The following SPATA17 variants were observed in gnomAD, a reference collection of about 807,000 sequenced individuals.
SPATA17 encodes the protein spermatogenesis-associated protein 17.
SPATA17 carries 53 observed loss-of-function variants against 62.2 expected under a neutral mutation model. The observed-to-expected ratio is 0.85, with a 90% CI of 0.68 to 1.07. SPATA17 has a LOEUF of 1.07. Ranked by LOEUF, SPATA17 falls within the 50% of genes least tolerant of loss-of-function variation. SPATA17 has a pLI of 0.00. For missense variants in SPATA17, 466 were observed against 425.5 expected (o/e 1.10, Z -0.84); for synonymous variants, 146 against 146.8 (o/e 0.99, Z 0.04).
Position 217,683,372 on chromosome 1 carries a change from C to T in SPATA17, c.395+11C>T. The stretch of plus-strand genomic sequence containing the variant: ...CAATGATGCAATTAGGTAAGTAGTG[C>T]AATCATCCATTCACTAGGGAAAACT... On this transcript the variant is annotated intron_variant, in intron 5 of 10. Transcript: ENST00000366933. 6.6e-7 allele frequency: 1 copy of T among 1,510,700 alleles called. No homozygotes were observed. Among genetic ancestry groups the T allele is most frequent in the Non-Finnish European group, 9.2e-7 (1 of 1,089,250 alleles). 93.6% of individuals were successfully genotyped at this position (1,510,700 alleles called of 1,614,324 possible). A position where few individuals can be genotyped will look rare whatever the true frequency, so the allele number is the denominator to read the frequency against.
At chr1:217,854,431 G>A (rs1008953168) in intron 9 of SPATA17, among the ~76,000 whole-genome samples, 8 of 152,150 alleles carry the variant, frequency 5.3e-5, no homozygotes, top group Admixed American at 1.3e-4. Flanking sequence ...GATAAATCTA[G>A]GCATTATCTT....
At chr1:217,866,734 T>TA (rs1192880268) in intron 10 of SPATA17, 2 of 152,072 alleles carry the variant, frequency 1.3e-5, no homozygotes, top group Non-Finnish European at 2.9e-5. Context: ...AGAACAGGGC[T>TA]AAAAATGATT....
intron 9 of SPATA17, among the ~76,000 whole-genome samples, chr1:217,806,029 A>T (rs533705493): frequency 6.6e-6 from 1 of 152,294 alleles, no homozygotes; most frequent in East Asian, 1.9e-4. Flanking sequence ...AACCTGTGAA[A>T]CCAGACAAGT....
intron 9 of SPATA17, among the ~76,000 whole-genome samples, chr1:217,836,511 T>C (rs1014238996): frequency 6.6e-6 from 1 of 152,150 alleles, no homozygotes; most frequent in Admixed American, 6.6e-5. Flanking sequence ...TCATTTACTC[T>C]ATGACGTGCT....
At chr1:217,704,230 CTTTTTTTTTTTTTT>C (rs560591615) in intron 5 of SPATA17, among the ~76,000 whole-genome samples, 20 of 41,718 alleles carry the variant, frequency 4.8e-4, no homozygotes, top group Non-Finnish European at 7.4e-4. Context: ...TTCCCTCTAC[CTTTTTTTTTTTTTT>C]TTTTTTTTTT....
intron 5 of SPATA17, among the ~76,000 whole-genome samples, chr1:217,721,594 C>T (rs986918679): frequency 1.3e-5 from 2 of 152,150 alleles, no homozygotes; most frequent in Non-Finnish European, 2.9e-5. Flanking sequence ...ACCCTGCAGA[C>T]TTTGATTCAA....
At chr1:217,846,932 A>C (rs2103009422) in intron 9 of SPATA17, among the ~76,000 whole-genome samples, 1 of 152,174 alleles carries the variant, frequency 6.6e-6, no homozygotes, top group South Asian at 2.1e-4. Context: ...ATTAGCAGTT[A>C]TTATACATTG....
At chr1:217,669,150 A>T in intron 4 of SPATA17, 67 bp downstream of exon 4, 1 of 1,414,360 alleles carries the variant, frequency 7.1e-7, no homozygotes, top group Non-Finnish European at 9.9e-7. Flanking sequence ...TTTTAATAAA[A>T]TGAGCAAAGC....
chr1:217,827,576 T>C (rs1675025672), intron 9 of SPATA17, among the ~76,000 whole-genome samples: 1 of 152,140 alleles, frequency 6.6e-6, no homozygotes. Flanking sequence ...TAAAGATACA[T>C]GCATGTGTCT....
chr1:217,720,414 T>C (rs998245139), intron 5 of SPATA17, among the ~76,000 whole-genome samples: 2 of 152,186 alleles, frequency 1.3e-5, no homozygotes, highest in African/African-American at 4.8e-5. Flanking sequence ...TGACTTCATT[T>C]TGAGCAATGA....
rs1208635152 is a variant in SPATA17, at chr1:217,782,309, G to A, written c.859G>A (p.Val287Ile). 3 of 1,608,836 alleles carry A rather than the reference G, an allele frequency of 1.9e-6. No homozygotes were observed. Among genetic ancestry groups the A allele is most frequent in the African/African-American group, 1.3e-5 (1 of 74,692 alleles). ...CAGAAGAGAGGAATGGCTGCAAAAT[G>A]TAAATGACAATATGTGAGTTCTTAG... ...ELRREEWLQN[V>I]NDNMFLPFSS... The change falls in exon 8 of 11, where the codon GTA becomes ATA. Residue 287 changes from valine (V) to isoleucine (I), a missense_variant. Physicochemically the swap from Val to Ile is conservative, Grantham distance 29. Transcript: ENST00000366933.
chr1:217,759,047 T>C (rs780954055), intron 6 of SPATA17, among the ~76,000 whole-genome samples: 12 of 152,110 alleles, frequency 7.9e-5, no homozygotes, highest in Admixed American at 5.2e-4. Context: ...TCCAGGAACA[T>C]GCAGTAAAAA....
intron 1 of SPATA17, among the ~76,000 whole-genome samples, chr1:217,646,625 G>T (rs566253799): frequency 6.6e-6 from 1 of 152,086 alleles, no homozygotes; most frequent in Non-Finnish European, 1.5e-5. Flanking sequence ...AGCTGAGCAC[G>T]GTGGCTCACA....
intron 9 of SPATA17, among the ~76,000 whole-genome samples, chr1:217,859,488 A>G (rs1328001571): frequency 6.6e-6 from 1 of 151,994 alleles, no homozygotes; most frequent in African/African-American, 2.4e-5. Flanking sequence ...GCTCACTGCA[A>G]CCTCAAACTC....
At chr1:217,822,608 A>T (rs941524935) in intron 9 of SPATA17, among the ~76,000 whole-genome samples, 3 of 148,502 alleles carry the variant, frequency 2.0e-5, no homozygotes, top group African/African-American at 7.3e-5. Context: ...TCTTCTATAT[A>T]TGATATATAA....
intron 5 of SPATA17, among the ~76,000 whole-genome samples, chr1:217,734,178 G>C (rs544627484): frequency 6.6e-6 from 1 of 152,182 alleles, no homozygotes; most frequent in South Asian, 2.1e-4. Flanking sequence ...TTTATGGTTA[G>C]TATTTTTATT....
At chr1:217,754,302 C>G (rs1672989061) in intron 6 of SPATA17, among the ~76,000 whole-genome samples, 1 of 152,104 alleles carries the variant, frequency 6.6e-6, no homozygotes, top group African/African-American at 2.4e-5. Context: ...TCAATTCTGT[C>G]ATTTTCTTCA....
intron 6 of SPATA17, among the ~76,000 whole-genome samples, chr1:217,745,179 C>G (rs1672719516): frequency 6.6e-6 from 1 of 152,178 alleles, no homozygotes. Flanking sequence ...CAAATCGCTT[C>G]CCTTGGAGAT....
chr1:217,697,687 A>T (rs1031372527), intron 5 of SPATA17, among the ~76,000 whole-genome samples: 1 of 152,002 alleles, frequency 6.6e-6, no homozygotes, highest in African/African-American at 2.4e-5. Context: ...AACTTTTTTT[A>T]AAAAAACAGA....
Sources: allele counts gnomAD v4.1 joint callset (sites outside exome capture counted in the v4.1 genomes callset), GRCh38; gene constraint gnomAD v4.1.1; transcripts MANE v1.5; gene names NCBI Gene and HGNC (gene_info 2026-07-23, HGNC 2026-07-21).